Variants in TGFBR3 observed in about 807,000 individuals in gnomAD.
TGFBR3 encodes transforming growth factor beta receptor type 3.
In TGFBR3, 46 loss-of-function variants were observed where a neutral mutation model predicts 87.9. That is an observed-to-expected ratio of 0.52 (90% CI 0.41 to 0.67). The LOEUF is 0.67. Among genes scored for constraint, TGFBR3 ranks in the 30% least tolerant of loss-of-function variants. The probability of loss-of-function intolerance (pLI) is 0.00; values close to 1 mark genes in which losing one functional copy is unlikely to be tolerated. For missense variants in TGFBR3, 866 were observed against 1,041.9 expected (o/e 0.83, Z 2.32); for synonymous variants, 381 against 391.6 (o/e 0.97, Z 0.32).
intron 1 of TGFBR3, among the ~76,000 whole-genome samples, chr1:91,863,426 G>A (rs1678272564): frequency 6.6e-6 from 1 of 152,180 alleles, no homozygotes; most frequent in Non-Finnish European, 1.5e-5. Flanking sequence ...TCCTGTGGTA[G>A]GAAATGTATG....
At chr1:91,839,065 C>A (rs553195018) in intron 2 of TGFBR3, among the ~76,000 whole-genome samples, 1 of 152,244 alleles carries the variant, frequency 6.6e-6, no homozygotes, top group South Asian at 2.1e-4. Flanking sequence ...GCAGTCCTGA[C>A]CTTCCGGGCT....
At chr1:91,787,286 C>A (rs1032718482) in intron 3 of TGFBR3, among the ~76,000 whole-genome samples, 1 of 151,618 alleles carries the variant, frequency 6.6e-6, no homozygotes, top group Non-Finnish European at 1.5e-5. Flanking sequence ...GGTGACAGAG[C>A]GAGACGCCAT....
At chr1:91,703,038 C>T (rs562776163) in intron 14 of TGFBR3, among the ~76,000 whole-genome samples, 3 of 151,916 alleles carry the variant, frequency 2.0e-5, no homozygotes, top group Non-Finnish European at 2.9e-5. Context: ...GAATGAAACT[C>T]CTTCTCAAAA....
At chr1:91,838,154 T>C (rs1405544043) in intron 2 of TGFBR3, among the ~76,000 whole-genome samples, 1 of 152,144 alleles carries the variant, frequency 6.6e-6, no homozygotes, top group African/African-American at 2.4e-5. Context: ...AAGAAAAGAT[T>C]CCCCTACTAA....
chr1:91,728,578 C>T (rs186838945), intron 6 of TGFBR3, among the ~76,000 whole-genome samples: 2 of 152,156 alleles, frequency 1.3e-5, no homozygotes, highest in Non-Finnish European at 2.9e-5. Context: ...CAGCTTTACA[C>T]ACTTGTAAAG....
chr1:91,782,408 T>TGCCCAACACGGAATCATGTGTG lies in TGFBR3; in HGVS notation c.246+14857_246+14878dup, dbSNP rs1268704137. ...GCTAGGAGACACCTACATGCCCATGTGCCCAACACGGAATCATGTGTGTCC... is the reference window on the plus strand; with the variant it reads ...GCTAGGAGACACCTACATGCCCATGTGCCCAACACGGAATCATGTGTGGCCCAACACGGAATCATGTGTGTCC... On this transcript the variant is annotated intron_variant, in intron 3 of 16. Transcript: ENST00000212355. Among the ~76,000 whole-genome samples, 33 of 152,358 alleles carry TGCCCAACACGGAATCATGTGTG rather than the reference T, an allele frequency of 2.2e-4. No individual in the cohort carries two copies. The East Asian group carries it at 4.1e-3, about 19-fold the overall frequency.
At chr1:91,697,719 T>C (rs1671480565) in intron 15 of TGFBR3, among the ~76,000 whole-genome samples, 1 of 152,206 alleles carries the variant, frequency 6.6e-6, no homozygotes, top group South Asian at 2.1e-4. Context: ...ATATTGTTGA[T>C]AAGACTTAAA....
chr1:91,708,405 C>A (rs1343545832), intron 14 of TGFBR3, among the ~76,000 whole-genome samples: 1 of 152,054 alleles, frequency 6.6e-6, no homozygotes, highest in Non-Finnish European at 1.5e-5. Context: ...GGAGAGTGAC[C>A]TTATGACAGG....
chr1:91,819,791 T>C (rs895641738), intron 2 of TGFBR3, among the ~76,000 whole-genome samples: 2 of 152,212 alleles, frequency 1.3e-5, no homozygotes, highest in Non-Finnish European at 2.9e-5. Context: ...GCTCATGCGA[T>C]GATTTCATTA....
intron 2 of TGFBR3, among the ~76,000 whole-genome samples, chr1:91,810,443 A>G (rs541095731): frequency 3.3e-5 from 5 of 152,212 alleles, no homozygotes; most frequent in Non-Finnish European, 7.3e-5. Flanking sequence ...AGCAAATATA[A>G]GCTTTTATAA....
At chr1:91,805,033 T>C (rs1675778878) in intron 2 of TGFBR3, among the ~76,000 whole-genome samples, 1 of 152,202 alleles carries the variant, frequency 6.6e-6, no homozygotes, top group Admixed American at 6.5e-5. Context: ...CACACCATAC[T>C]CTATCATGAA....
chr1:91,755,969 C>T (rs1383385071), intron 4 of TGFBR3, among the ~76,000 whole-genome samples: 4 of 152,196 alleles, frequency 2.6e-5, no homozygotes, highest in African/African-American at 9.7e-5. Flanking sequence ...GCAGCAACAG[C>T]AGGTGATGTC....
intron 2 of TGFBR3, among the ~76,000 whole-genome samples, chr1:91,825,978 C>A (rs201272656): frequency 9.5e-4 from 141 of 148,198 alleles, no homozygotes; most frequent in South Asian, 1.1e-3. Flanking sequence ...GACCCCATCT[C>A]AAAAAAAAAA....
chr1:91,902,498 G>A (rs1207378566), intron 1 of TGFBR3, among the ~76,000 whole-genome samples: 3 of 151,906 alleles, frequency 2.0e-5, no homozygotes, highest in Non-Finnish European at 4.4e-5. Context: ...GCCCAGGCTG[G>A]TCTCAAACTC....
Position 91,712,310 on chromosome 1 carries a change from A to T in TGFBR3, c.2099T>A (p.Leu700Gln). 1 of 1,614,230 alleles carries T rather than the reference A, an allele frequency of 6.2e-7. No homozygotes were observed. Among genetic ancestry groups the T allele is most frequent in the East Asian group, 2.2e-5 (1 of 44,870 alleles). ...FVFKPVFNTS[L>Q]LFLQCELTLC... ...CGTCAGCTCACACTGTAGAAAGAGC[A>T]GTGAGGTGTTGAAGACAGGCTTGAA... The change falls in exon 13 of 17, where the codon CTG becomes CAG. Residue 700 changes from leucine (L) to glutamine (Q), a missense_variant. Transcript: ENST00000212355.
rs956165191 is a variant in TGFBR3, at chr1:91,766,509, T to C, written c.247-7759A>G. The C allele has an allele frequency of 4.4e-5, 6 of 136,466 alleles. 1 individual carries two copies. Among genetic ancestry groups the C allele is most frequent in the Non-Finnish European group, 9.7e-5 (6 of 61,540 alleles). 8.5% of individuals were successfully genotyped at this position (136,466 alleles called of 1,614,324 possible). On this transcript the variant is annotated intron_variant, in intron 3 of 16. Coordinates refer to ENST00000212355, the MANE Select transcript of TGFBR3 (RefSeq NM_003243.5). The stretch of plus-strand genomic sequence containing the variant: ...ATAAAGAGAATCACTAGAGTGATCA[T>C]TAGAAGCTGATTTACAAAATAAGCA...
intron 2 of TGFBR3, among the ~76,000 whole-genome samples, chr1:91,847,551 C>T (rs1224578357): frequency 2.7e-5 from 4 of 147,484 alleles, no homozygotes; most frequent in Non-Finnish European, 5.9e-5. Context: ...TGCAGTGAGC[C>T]GAGATCACGC....
At chr1:91,873,148 T>C (rs546053118) in intron 1 of TGFBR3, among the ~76,000 whole-genome samples, 25 of 152,168 alleles carry the variant, frequency 1.6e-4, no homozygotes, top group African/African-American at 6.0e-4. Flanking sequence ...TTTAAGATTT[T>C]TTTATGGAGA....
chr1:91,700,562 A>C (rs576749064), intron 14 of TGFBR3, among the ~76,000 whole-genome samples: 120 of 152,322 alleles, frequency 7.9e-4, no homozygotes, highest in Admixed American at 5.2e-4. Flanking sequence ...GAGTTGTGCA[A>C]CATAGTGGCC....
Sources: allele counts gnomAD v4.1 joint callset (sites outside exome capture counted in the v4.1 genomes callset), GRCh38; gene constraint gnomAD v4.1.1; transcripts MANE v1.5; gene names NCBI Gene and HGNC (gene_info 2026-07-23, HGNC 2026-07-21).